LMNB1: variants seen among roughly 807,000 people sequenced by gnomAD.
The protein encoded by LMNB1 is lamin-B1.
Under a neutral mutation model 67.1 loss-of-function variants are expected in LMNB1, and 23 were observed. The observed-to-expected ratio is 0.34, with a 90% CI of 0.25 to 0.49. The LOEUF is 0.49. LMNB1 is among the 20% of genes least tolerant of loss of function. The probability of loss-of-function intolerance (pLI) is 0.99; values close to 1 mark genes in which losing one functional copy is unlikely to be tolerated. For missense variants in LMNB1, 634 were observed against 746.5 expected (o/e 0.85, Z 1.76); for synonymous variants, 281 against 282.9 (o/e 0.99, Z 0.07).
chr5:126,777,790 C>T lies in LMNB1; in HGVS notation c.282C>T (p.Asp94=), dbSNP rs1411669553. The change falls in exon 1 of 11, where the codon GAC becomes GAT. Residue 94 remains aspartate (D), a synonymous_variant. Coordinates refer to ENST00000261366, the MANE Select transcript of LMNB1 (RefSeq NM_005573.4). ...TELADARRAL[D]DTARERAKLQ... Reference sequence around the variant, plus strand: ...TGGCCGACGCGCGACGCGCGCTCGACGACACGGCCCGCGAGCGCGCCAAGC... The same window carrying T: ...TGGCCGACGCGCGACGCGCGCTCGATGACACGGCCCGCGAGCGCGCCAAGC... 2.0e-6 allele frequency: 3 copies of T among 1,501,570 alleles called. No homozygotes were observed. Among genetic ancestry groups the T allele is most frequent in the Admixed American group, 2.1e-5 (1 of 46,624 alleles). The allele number at this position is 1,501,570 out of a possible 1,614,324, so 93.0% of individuals were successfully genotyped here.
chr5:126,821,257 G>A, intron 7 of LMNB1, 122 bp downstream of exon 7: 1 of 626,876 alleles, frequency 1.6e-6, no homozygotes, highest in Non-Finnish European at 2.8e-6. Flanking sequence ...AAGGGTTTAT[G>A]TCCTTTTTAC....
intron 1 of LMNB1, among the ~76,000 whole-genome samples, chr5:126,802,005 T>G (rs1328794959): frequency 1.3e-5 from 2 of 152,242 alleles, no homozygotes; most frequent in Non-Finnish European, 2.9e-5. Flanking sequence ...CCTTCACAAG[T>G]GTCAGTTCAT....
At position 126,818,818 on chromosome 5, in the gene LMNB1, A is replaced by C; in HGVS notation, c.940-104A>C. On this transcript the variant is annotated intron_variant, in intron 5 of 10. Coordinates refer to ENST00000261366, the MANE Select transcript of LMNB1 (RefSeq NM_005573.4). ...TGAATTCTAGTGAGTTAGAGATTCC[A>C]TAGGGTTGTACTGTTTTCCAGTCTA... 5.0e-6 allele frequency: 4 copies of C among 800,642 alleles called. No homozygotes were observed. In the South Asian group the frequency reaches 6.7e-5, roughly 13 times the overall value. 49.6% of individuals were successfully genotyped at this position (800,642 alleles called of 1,614,324 possible). A position where few individuals can be genotyped will look rare whatever the true frequency, so the allele number is the denominator to read the frequency against.
At chr5:126,793,991 A>G (rs1402685333) in intron 1 of LMNB1, among the ~76,000 whole-genome samples, 6 of 151,918 alleles carry the variant, frequency 3.9e-5, no homozygotes. Context: ...CTGGAGTGCA[A>G]TGGAGTGATC....
At chr5:126,809,686 CAGAAAAGAAA>C (rs143766887) in intron 3 of LMNB1, among the ~76,000 whole-genome samples, 10 of 151,748 alleles carry the variant, frequency 6.6e-5, no homozygotes, top group East Asian at 1.9e-4. Flanking sequence ...TACTCTATCT[CAGAAAAGAAA>C]AGAAAAGAAA....
rs188031104 is a variant in LMNB1, at chr5:126,832,626, A to G, written c.1612-68A>G. On this transcript the variant is annotated intron_variant, in intron 9 of 10. Coordinates refer to ENST00000261366, the MANE Select transcript of LMNB1 (RefSeq NM_005573.4). ...GAAATGCTGTCTCTTAAGCAAAGAA[A>G]AGGTCCCTCTCCCCCGCATTTGGTG... is the stretch of plus-strand genomic sequence containing the variant. The G allele has an allele frequency of 6.3e-4, 703 of 1,118,374 alleles. 6 individuals carry two copies. In the African/African-American group the frequency reaches 9.8e-3, roughly 16 times the overall value. The allele number at this position is 1,118,374 out of a possible 1,614,324, so 69.3% of individuals were successfully genotyped here.
intron 1 of LMNB1, among the ~76,000 whole-genome samples, chr5:126,792,497 C>A (rs1227560568): frequency 6.6e-6 from 1 of 151,004 alleles, no homozygotes. Flanking sequence ...TCCCTCTTTG[C>A]TAAGTTAATT....
rs573956505 is a variant in LMNB1, at chr5:126,784,813, C to T, written c.359+6946C>T. ...TAACTGGAACTACAGGCGCCCTCCA[C>T]CACGCCGGGCTAATTTTTTTTTATA... is the stretch of plus-strand genomic sequence containing the variant. On this transcript the variant is annotated intron_variant, in intron 1 of 10. Transcript: ENST00000261366. Among the ~76,000 whole-genome samples the T allele has an allele frequency of 4.0e-5, 6 of 151,754 alleles. No individual in the cohort carries two copies. The East Asian group carries it at 9.7e-4, about 25-fold the overall frequency.
intron 1 of LMNB1, among the ~76,000 whole-genome samples, chr5:126,792,566 G>A (rs1463606130): frequency 7.2e-6 from 1 of 139,172 alleles, no homozygotes; most frequent in Admixed American, 7.3e-5. Context: ...AAGCACTAGG[G>A]ATTTTTTTTT....
At chr5:126,819,935 AG>A (rs770753944) in intron 6 of LMNB1, among the ~76,000 whole-genome samples, 135 of 152,294 alleles carry the variant, frequency 8.9e-4, no homozygotes, top group Non-Finnish European at 1.6e-3. Context: ...ACATGAGGTC[AG>A]GAGTTCAAGA....
chr5:126,778,784 A>T, intron 1 of LMNB1, among the ~76,000 whole-genome samples: 1 of 152,188 alleles, frequency 6.6e-6, no homozygotes, highest in Non-Finnish European at 1.5e-5. Flanking sequence ...CCCTTAGTCG[A>T]CCACTGTGCA....
intron 1 of LMNB1, among the ~76,000 whole-genome samples, chr5:126,778,901 C>G (rs1228186937): frequency 6.6e-6 from 1 of 152,172 alleles, no homozygotes; most frequent in East Asian, 1.9e-4. Context: ...TTCCAGTGCA[C>G]AAGGATACAT....
intron 1 of LMNB1, among the ~76,000 whole-genome samples, chr5:126,786,112 CTTTTTT>C (rs70997312): frequency 9.4e-6 from 1 of 106,668 alleles, no homozygotes; most frequent in Admixed American, 1.1e-4. Flanking sequence ...CAGACATTAT[CTTTTTT>C]TTTTTTTTTT....
chr5:126,805,447 A>G, intron 2 of LMNB1, 124 bp from the exon 3 acceptor site: 1 of 660,426 alleles, frequency 1.5e-6, no homozygotes, highest in Non-Finnish European at 2.5e-6. Flanking sequence ...AAGATGAAGT[A>G]ATTATACATT....
At chr5:126,783,476 T>C (rs1405961412) in intron 1 of LMNB1, among the ~76,000 whole-genome samples, 1 of 152,096 alleles carries the variant, frequency 6.6e-6, no homozygotes, top group East Asian at 1.9e-4. Context: ...TACTTTAATT[T>C]TCAAGGGAAG....
chr5:126,833,844 A>T (rs1392323883), intron 10 of LMNB1, among the ~76,000 whole-genome samples: 2 of 152,232 alleles, frequency 1.3e-5, no homozygotes, highest in African/African-American at 2.4e-5. Context: ...ATGCTTGTCC[A>T]CTAATTTGAA....
intron 1 of LMNB1, among the ~76,000 whole-genome samples, chr5:126,791,272 T>C (rs574304108): frequency 1.3e-5 from 2 of 152,054 alleles, no homozygotes; most frequent in Non-Finnish European, 2.9e-5. Context: ...TTGTTGGAAA[T>C]TTTCTTGAGA....
At position 126,836,344 on chromosome 5, in the gene LMNB1, A is replaced by G. The variant is rs1752247505; in HGVS notation, c.*80A>G. On this transcript the variant is annotated 3_prime_UTR_variant, in exon 11 of 11. Coordinates refer to ENST00000261366, the MANE Select transcript of LMNB1 (RefSeq NM_005573.4). Reference sequence around the variant, plus strand: ...CAGTGCAGAGCCTTCTCAGAAGCACAGAATATTTTTATATTTCCTTTATGT... The same window carrying G: ...CAGTGCAGAGCCTTCTCAGAAGCACGGAATATTTTTATATTTCCTTTATGT... The G allele has an allele frequency of 1.1e-6, 1 of 894,600 alleles. No homozygotes were observed. 55.4% of individuals were successfully genotyped at this position (894,600 alleles called of 1,614,324 possible). A position where few individuals can be genotyped will look rare whatever the true frequency, so the allele number is the denominator to read the frequency against.
intron 5 of LMNB1, among the ~76,000 whole-genome samples, chr5:126,816,429 GC>G (rs1472346605): frequency 6.6e-6 from 1 of 152,062 alleles, no homozygotes; most frequent in Admixed American, 6.6e-5. Context: ...TGTTATTTTG[GC>G]ATAATTTTAG....
Sources: gnomAD v4.1 joint callset for allele counts (sites outside exome capture counted in the v4.1 genomes callset) on GRCh38, gnomAD v4.1.1 for gene constraint, MANE v1.5 for transcripts, NCBI Gene and HGNC (gene_info 2026-07-23, HGNC 2026-07-21) for gene names.